The following PTPRD variants were observed in gnomAD, a reference collection of about 807,000 sequenced individuals.
PTPRD encodes the protein receptor-type tyrosine-protein phosphatase delta.
Under a neutral mutation model 214.5 loss-of-function variants are expected in PTPRD, and 34 were observed. That is an observed-to-expected ratio of 0.16 (90% CI 0.12 to 0.21). The LOEUF (loss-of-function observed/expected upper bound fraction) is 0.21. Ranked by LOEUF, PTPRD falls within the 10% of genes least tolerant of loss-of-function variation. The pLI is 1.00. For synonymous variants in PTPRD, 1,128 were observed against 845.7 expected, an observed-to-expected ratio of 1.33 and a Z score of -5.79; for missense variants, 2,545 against 2,398.7, an observed-to-expected ratio of 1.06 and a Z score of -1.27.
At position 8,517,906 on chromosome 9, in the gene PTPRD, A is replaced by G. The variant is rs978709407; in HGVS notation, c.1485T>C (p.Phe495=). Residue 495 remains phenylalanine, a synonymous_variant, in exon 21 of 46, where the codon TTT becomes TTC. Transcript: ENST00000381196. The part of the protein sequence containing the change: ...QKTYSVKVLA[F]TSIGDGPLSS... Reference sequence around the variant, plus strand: ...AAAGGGGACCATCTCCAATTGAGGTAAAAGCCAGGACTTTGACAGAATATG... The same window carrying G: ...AAAGGGGACCATCTCCAATTGAGGTGAAAGCCAGGACTTTGACAGAATATG... The G allele has an allele frequency of 3.7e-6, 6 of 1,614,064 alleles. No individual in the cohort carries two copies. Among genetic ancestry groups the G allele is most frequent in the African/African-American group, 1.3e-5 (1 of 74,940 alleles).
intron 6 of PTPRD, among the ~76,000 whole-genome samples, chr9:9,738,018 C>T (rs1596375263): frequency 6.6e-6 from 1 of 151,604 alleles, no homozygotes; most frequent in Non-Finnish European, 1.5e-5. Flanking sequence ...AATCAAACAC[C>T]GCATGTTCTC....
At chr9:10,375,249 G>C (rs1249182791) in intron 2 of PTPRD, among the ~76,000 whole-genome samples, 1 of 151,962 alleles carries the variant, frequency 6.6e-6, no homozygotes, top group Non-Finnish European at 1.5e-5. Flanking sequence ...AAGGTGATTT[G>C]TATGCTTAAA....
chr9:9,045,262 A>T (rs1278387162), intron 10 of PTPRD, among the ~76,000 whole-genome samples: 2 of 152,174 alleles, frequency 1.3e-5, no homozygotes, highest in Non-Finnish European at 1.5e-5. Context: ...TTTTTCAAAA[A>T]GGCTTCAAGG....
At chr9:8,682,607 G>C (rs1205988884) in intron 12 of PTPRD, among the ~76,000 whole-genome samples, 1 of 152,104 alleles carries the variant, frequency 6.6e-6, no homozygotes, top group Non-Finnish European at 1.5e-5. Flanking sequence ...GCAATTTGTT[G>C]TTAGCAGTTA....
At chr9:10,438,061 C>G (rs2098733987) in intron 2 of PTPRD, among the ~76,000 whole-genome samples, 1 of 140,480 alleles carries the variant, frequency 7.1e-6, no homozygotes, top group South Asian at 2.2e-4. Context: ...ATATAAAAGA[C>G]AAACTCATGG....
intron 44 of PTPRD, among the ~76,000 whole-genome samples, chr9:8,321,380 T>A (rs1007666421): frequency 2.0e-5 from 3 of 150,692 alleles, no homozygotes; most frequent in African/African-American, 7.3e-5. Flanking sequence ...GGTTTTATCA[T>A]CTTACTTTAA....
chr9:8,964,190 G>GTTTTT (rs1334290420), intron 11 of PTPRD, among the ~76,000 whole-genome samples: 584 of 52,772 alleles, frequency 0.011, 84 homozygotes, highest in South Asian at 0.018. Context: ...GTTCAGGGCT[G>GTTTTT]TGTTTTTTTT....
chr9:9,935,293 T>A (rs569888274), intron 5 of PTPRD, among the ~76,000 whole-genome samples: 151 of 152,286 alleles, frequency 9.9e-4, no homozygotes, highest in African/African-American at 3.5e-3. Flanking sequence ...TTGTCCCTGT[T>A]TGCAGAAGAC....
Position 10,395,409 on chromosome 9 carries a change from T to C in PTPRD, c.-599-54392A>G, listed in dbSNP as rs2098149347. 2.0e-5 allele frequency among the ~76,000 whole-genome samples: 3 copies of C among 151,926 alleles called. No individual in the cohort carries two copies. In the South Asian group the frequency reaches 6.2e-4, roughly 31 times the overall value. On this transcript the variant is annotated intron_variant, in intron 2 of 45. Coordinates refer to ENST00000381196, the MANE Select transcript of PTPRD (RefSeq NM_002839.4). ...GAATGATGGTTTGCAGCTTCATCCA[T>C]GTCCCTTTTACAAAGGCTTCTGCAG...
chr9:9,024,348 G>A (rs201348144), intron 10 of PTPRD, among the ~76,000 whole-genome samples: 1 of 64,182 alleles, frequency 1.6e-5, no homozygotes, highest in African/African-American at 4.1e-5. Context: ...GTTTTTTTTT[G>A]TTTGTTTTTT....
At chr9:9,482,340 A>T (rs958933083) in intron 8 of PTPRD, among the ~76,000 whole-genome samples, 30 of 152,246 alleles carry the variant, frequency 2.0e-4, no homozygotes, top group African/African-American at 7.0e-4. Context: ...TATTCTAAGC[A>T]TACTTTGATT....
At chr9:8,832,879 A>C (rs554579002) in intron 11 of PTPRD, among the ~76,000 whole-genome samples, 2 of 152,238 alleles carry the variant, frequency 1.3e-5, no homozygotes, top group South Asian at 4.1e-4. Context: ...AAGAACAAAA[A>C]ATAATATCTG....
chr9:9,600,651 G>C (rs1397183823), intron 7 of PTPRD, among the ~76,000 whole-genome samples: 2 of 152,092 alleles, frequency 1.3e-5, no homozygotes, highest in Non-Finnish European at 2.9e-5. Context: ...CAACTGTTTT[G>C]TGAGTTCCCT....
intron 5 of PTPRD, among the ~76,000 whole-genome samples, chr9:9,921,810 T>C (rs2082627924): frequency 6.6e-6 from 1 of 151,726 alleles, no homozygotes; most frequent in Non-Finnish European, 1.5e-5. Context: ...GAGCAGCTGA[T>C]ATTATGTGTC....
chr9:10,265,367 T>A (rs1176847279), intron 3 of PTPRD, among the ~76,000 whole-genome samples: 1 of 152,146 alleles, frequency 6.6e-6, no homozygotes. Context: ...AATGAGGCCC[T>A]CTATGACAAA....
Position 8,681,138 on chromosome 9 carries a change from A to C in PTPRD, c.65-44294T>G, listed in dbSNP as rs144544069. On this transcript the variant is annotated intron_variant, in intron 12 of 45. Transcript: ENST00000381196. ...TACCAAGGTTACGTCATTCCCAATC[A>C]CGCCTCATGCCAACACATCCACAGC... Among the ~76,000 whole-genome samples, 148 of 152,236 alleles carry C rather than the reference A, an allele frequency of 9.7e-4. 1 individual carries two copies. In the East Asian group the frequency reaches 0.015, roughly 16 times the overall value.
At chr9:10,430,174 G>A (rs1285057383) in intron 2 of PTPRD, among the ~76,000 whole-genome samples, 1 of 151,770 alleles carries the variant, frequency 6.6e-6, no homozygotes, top group African/African-American at 2.4e-5. Flanking sequence ...TTGATTTATG[G>A]TTCAGACTAA....
intron 7 of PTPRD, among the ~76,000 whole-genome samples, chr9:9,614,304 C>T (rs2094718839): frequency 6.6e-6 from 1 of 152,050 alleles, no homozygotes; most frequent in Non-Finnish European, 1.5e-5. Context: ...CTCAGCAGTT[C>T]AACTAACTTC....
intron 10 of PTPRD, among the ~76,000 whole-genome samples, chr9:9,128,761 T>C (rs570493215): frequency 1.4e-4 from 21 of 152,300 alleles, no homozygotes; most frequent in African/African-American, 5.1e-4. Flanking sequence ...ACTAAATAAA[T>C]TGTAGTTGCA....
Sources: allele counts gnomAD v4.1 joint callset (sites outside exome capture counted in the v4.1 genomes callset), GRCh38; gene constraint gnomAD v4.1.1; transcripts MANE v1.5; gene names NCBI Gene and HGNC (gene_info 2026-07-23, HGNC 2026-07-21).